ELOVL5: variants seen among roughly 807,000 people sequenced by gnomAD.
ELOVL5 encodes very long chain fatty acid elongase 5.
In ELOVL5, 8 loss-of-function variants were observed where a neutral mutation model predicts 38.6. The ratio of observed to expected loss-of-function variants is 0.21; its 90% CI spans 0.12 to 0.37. The LOEUF is 0.37. ELOVL5 is among the 10% of genes least tolerant of loss of function. The pLI, the probability that ELOVL5 is intolerant of heterozygous loss-of-function variation, is 1.00. For missense variants in ELOVL5, 280 were observed against 367.8 expected, an observed-to-expected ratio of 0.76 and a Z score of 1.95; for synonymous variants, 127 against 133.7, an observed-to-expected ratio of 0.95 and a Z score of 0.34.
intron 1 of ELOVL5, among the ~76,000 whole-genome samples, chr6:53,298,548 C>T (rs934647179): frequency 2.0e-5 from 3 of 151,920 alleles, no homozygotes; most frequent in African/African-American, 7.3e-5. Flanking sequence ...GGGAAAAGAC[C>T]AAAGTAACTG....
chr6:53,308,689 A>T (rs901324564), intron 1 of ELOVL5, among the ~76,000 whole-genome samples: 1 of 152,084 alleles, frequency 6.6e-6, no homozygotes, highest in African/African-American at 2.4e-5. Context: ...TATATCAATT[A>T]AGTTTTGGAC....
chr6:53,291,321 A>G (rs886608487), intron 3 of ELOVL5, among the ~76,000 whole-genome samples: 2 of 152,206 alleles, frequency 1.3e-5, no homozygotes, highest in Admixed American at 1.3e-4. Context: ...AAGTTATCCA[A>G]TCAGAGAGGG....
chr6:53,301,003 A>C (rs1287351353), intron 1 of ELOVL5, among the ~76,000 whole-genome samples: 2 of 151,644 alleles, frequency 1.3e-5, no homozygotes, highest in Non-Finnish European at 2.9e-5. Flanking sequence ...ATTCTTCATC[A>C]CCAGGCTAGG....
intron 1 of ELOVL5, among the ~76,000 whole-genome samples, chr6:53,327,936 C>T (rs1217565104): frequency 6.6e-6 from 1 of 152,090 alleles, no homozygotes; most frequent in Non-Finnish European, 1.5e-5. Context: ...CCCCTCAAAT[C>T]TCATCTACAA....
In ELOVL5 at chr6:53,348,912, A is replaced by G. The variant is rs756298692; in HGVS notation, c.-104T>C. 3 of 450,160 alleles carry G rather than the reference A, an allele frequency of 6.7e-6. No individual in the cohort carries two copies. Among genetic ancestry groups the G allele is most frequent in the South Asian group, 4.7e-5 (3 of 64,508 alleles). 27.9% of individuals were successfully genotyped at this position (450,160 alleles called of 1,614,324 possible). ...CAGCCGGCGCAGAGGCGGATGTAGA[A>G]GGAGACACCGGTGGCTAGGACCCGC... On this transcript the variant is annotated 5_prime_UTR_variant, in exon 1 of 8. Transcript: ENST00000304434.
At chr6:53,286,793 A>G (rs1013828798) in intron 3 of ELOVL5, among the ~76,000 whole-genome samples, 3 of 152,218 alleles carry the variant, frequency 2.0e-5, no homozygotes, top group Admixed American at 1.3e-4. Flanking sequence ...AAAGAGTTTA[A>G]TTAGTATACC....
intron 1 of ELOVL5, among the ~76,000 whole-genome samples, chr6:53,311,062 C>CTG (rs1451189987): frequency 6.6e-6 from 1 of 152,152 alleles, no homozygotes; most frequent in African/African-American, 2.4e-5. Context: ...GCTAAATGAG[C>CTG]TGACAGGTGA....
intron 1 of ELOVL5, among the ~76,000 whole-genome samples, chr6:53,317,107 G>A (rs1181362800): frequency 6.6e-6 from 1 of 152,188 alleles, no homozygotes; most frequent in Non-Finnish European, 1.5e-5. Context: ...TATTCCTGCT[G>A]TCCTAAGAAA....
At chr6:53,280,590 T>G (rs1057465360) in intron 3 of ELOVL5, among the ~76,000 whole-genome samples, 1 of 152,198 alleles carries the variant, frequency 6.6e-6, no homozygotes, top group East Asian at 1.9e-4. Flanking sequence ...ACATAATTCA[T>G]GGAGTGAATC....
chr6:53,324,672 CAAAAAAAAA>C (rs200304234), intron 1 of ELOVL5, among the ~76,000 whole-genome samples: 1 of 80,382 alleles, frequency 1.2e-5, no homozygotes, highest in African/African-American at 8.1e-5. Flanking sequence ...GAGATCCTGT[CAAAAAAAAA>C]AAAAAAAAAA....
intron 1 of ELOVL5, among the ~76,000 whole-genome samples, chr6:53,338,654 C>T (rs1159665056): frequency 2.6e-5 from 4 of 152,180 alleles, no homozygotes; most frequent in Non-Finnish European, 4.4e-5. Context: ...CTGGGCTCTA[C>T]TTCAATCATA....
chr6:53,269,641 C>T (rs1765852271), intron 7 of ELOVL5, among the ~76,000 whole-genome samples: 1 of 152,244 alleles, frequency 6.6e-6, no homozygotes, highest in African/African-American at 2.4e-5. Flanking sequence ...TTGACACCCA[C>T]ATCCCTTGTT....
At chr6:53,345,303 G>A in intron 1 of ELOVL5, among the ~76,000 whole-genome samples, 1 of 152,150 alleles carries the variant, frequency 6.6e-6, no homozygotes, top group East Asian at 1.9e-4. Context: ...GACTTTTCAG[G>A]TCAGATGCAC....
chr6:53,295,218 T>G (rs1337275561), intron 2 of ELOVL5, among the ~76,000 whole-genome samples: 1 of 152,214 alleles, frequency 6.6e-6, no homozygotes, highest in Non-Finnish European at 1.5e-5. Flanking sequence ...CAAGTAAGGT[T>G]CAGGTGCATA....
chr6:53,277,054 C>T (rs1561864029), intron 3 of ELOVL5: 1 of 148,078 alleles, frequency 6.8e-6, no homozygotes, highest in Admixed American at 6.7e-5. Context: ...GTGATAACTG[C>T]AGGGCTGTGA....
chr6:53,316,668 G>A (rs1270781099), intron 1 of ELOVL5, among the ~76,000 whole-genome samples: 1 of 151,548 alleles, frequency 6.6e-6, no homozygotes, highest in Non-Finnish European at 1.5e-5. Flanking sequence ...GAATGCAGGG[G>A]TCACATGGGA....
intron 3 of ELOVL5, among the ~76,000 whole-genome samples, chr6:53,282,612 G>C (rs1188324571): frequency 6.6e-6 from 1 of 152,196 alleles, no homozygotes; most frequent in East Asian, 1.9e-4. Flanking sequence ...AGGAATTTTA[G>C]TTGTAAGGAA....
chr6:53,329,624 G>C (rs1284484238), intron 1 of ELOVL5, among the ~76,000 whole-genome samples: 6 of 152,168 alleles, frequency 3.9e-5, no homozygotes, highest in Admixed American at 3.9e-4. Flanking sequence ...AGGAGTTCGA[G>C]ACCAGCCTGG....
chr6:53,348,869 C>CGGA lies in ELOVL5; in HGVS notation c.-64_-62dup, dbSNP rs757520377. On this transcript the variant is annotated 5_prime_UTR_variant, in exon 1 of 8. Transcript: ENST00000304434. ...TTGAGCAGCAGCAAGGCGGCGGCGG[C>CGGA]GGAGGGAGCGCGGGTGGCAGCCGGC... 10 of 456,344 alleles carry CGGA rather than the reference C, an allele frequency of 2.2e-5. No homozygotes were observed. The highest frequency in any genetic ancestry group is 3.5e-5 in the Non-Finnish European group (8 of 227,138). The allele number at this position is 456,344 out of a possible 1,614,324, so 28.3% of individuals were successfully genotyped here.
Sources: gnomAD v4.1 joint callset for allele counts (sites outside exome capture counted in the v4.1 genomes callset) on GRCh38, gnomAD v4.1.1 for gene constraint, MANE v1.5 for transcripts, NCBI Gene and HGNC (gene_info 2026-07-23, HGNC 2026-07-21) for gene names.